Variants in GABRA3 observed in about 807,000 individuals in gnomAD.
GABRA3 encodes gamma-aminobutyric acid type A receptor subunit alpha3.
GABRA3 carries 10 observed loss-of-function variants against 30.1 expected under a neutral mutation model. The ratio of observed to expected loss-of-function variants is 0.33; its 90% confidence interval spans 0.20 to 0.56. GABRA3 has a LOEUF of 0.56. GABRA3 is among the 20% of genes least tolerant of loss of function. The pLI is 0.89. For missense variants in GABRA3, 233 were observed against 392.0 expected (o/e 0.59, Z 3.42); for synonymous variants, 151 against 146.8 (o/e 1.03, Z -0.21).
chrX:152,423,698 G>A (rs1930436083), intron 1 of GABRA3, among the ~76,000 whole-genome samples: 1 of 111,319 alleles, frequency 9.0e-6, no homozygotes, highest in African/African-American at 3.3e-5. Context: ...CAACAGACTA[G>A]GGTTTAGAAG....
At chrX:152,359,865 A>G (rs767174305) in intron 2 of GABRA3, among the ~76,000 whole-genome samples, 1 of 112,133 alleles carries the variant, frequency 8.9e-6, no homozygotes, top group Admixed American at 9.5e-5. Flanking sequence ...TTTTAGTAGT[A>G]TCATGCCTCA....
intron 1 of GABRA3, among the ~76,000 whole-genome samples, chrX:152,422,394 G>T (rs190800742): frequency 9.0e-6 from 1 of 110,694 alleles, no homozygotes; most frequent in African/African-American, 3.3e-5. Context: ...TTATCTTTGT[G>T]GGGGGAGTAT....
chrX:152,269,392 G>C lies in GABRA3; in HGVS notation c.331-13394C>G, dbSNP rs373422556. ...CTCATTGATTGACAGAATTGATATT[G>C]TTAAAATGACAATATTACACAAAGC... On this transcript the variant is annotated intron_variant, in intron 4 of 9. Coordinates refer to ENST00000370314, the MANE Select transcript of GABRA3 (RefSeq NM_000808.4). Among the ~76,000 whole-genome samples the C allele has an allele frequency of 6.2e-5, 7 of 112,160 alleles. No homozygotes were observed. The South Asian group carries it at 1.5e-3, about 24-fold the overall frequency.
At chrX:152,390,777 A>T (rs752862500) in intron 1 of GABRA3, among the ~76,000 whole-genome samples, 8 of 111,955 alleles carry the variant, frequency 7.1e-5, no homozygotes, top group African/African-American at 1.9e-4. Flanking sequence ...TGAGGATATT[A>T]TTAAAAATTA....
At chrX:152,174,076 T>G (rs866449926) in intron 9 of GABRA3, among the ~76,000 whole-genome samples, 31 of 110,788 alleles carry the variant, frequency 2.8e-4, no homozygotes, top group African/African-American at 9.9e-4. Flanking sequence ...TTGCTGAGAA[T>G]GATGGTTTCC....
intron 3 of GABRA3, among the ~76,000 whole-genome samples, chrX:152,322,327 G>A (rs1319697815): frequency 2.7e-5 from 3 of 111,443 alleles, no homozygotes; most frequent in Non-Finnish European, 5.6e-5. Flanking sequence ...GCCAGGGGCT[G>A]AGAAGAGGAG....
Position 152,384,813 on chromosome X carries a change from A to G in GABRA3, c.-26-20217T>C, listed in dbSNP as rs1929251711. Among the ~76,000 whole-genome samples the G allele has an allele frequency of 2.7e-5, 3 of 112,193 alleles. No individual in the cohort carries two copies. In the South Asian group the frequency reaches 1.1e-3, roughly 41 times the overall value. On this transcript the variant is annotated intron_variant, in intron 1 of 9. Coordinates refer to ENST00000370314, the MANE Select transcript of GABRA3 (RefSeq NM_000808.4). ...AGATGCAAGAAAGTGAGTAAACAAC[A>G]AATACCGAATGGTAGACGTTTGTCA...
intron 5 of GABRA3, among the ~76,000 whole-genome samples, chrX:152,236,602 G>T (rs112589837): frequency 9.5e-6 from 1 of 105,347 alleles, no homozygotes; most frequent in African/African-American, 3.5e-5. Flanking sequence ...CTAGTTTACA[G>T]TCCCACCAAC....
intron 1 of GABRA3, among the ~76,000 whole-genome samples, chrX:152,439,892 A>C (rs769804132): frequency 8.9e-6 from 1 of 112,338 alleles, no homozygotes; most frequent in East Asian, 2.8e-4. Context: ...TGAGGACAGT[A>C]AACCTAAGAC....
At chrX:152,296,843 G>A (rs1328913655) in intron 3 of GABRA3, among the ~76,000 whole-genome samples, 1 of 109,727 alleles carries the variant, frequency 9.1e-6, no homozygotes, top group Non-Finnish European at 1.9e-5. Context: ...GGGATTACAG[G>A]CACCCACCAC....
chrX:152,244,626 C>A (rs189351707), intron 5 of GABRA3, among the ~76,000 whole-genome samples: 2 of 111,160 alleles, frequency 1.8e-5, no homozygotes, highest in East Asian at 5.7e-4. Flanking sequence ...TATAGCAGTT[C>A]AAATGCATTA....
intron 1 of GABRA3, among the ~76,000 whole-genome samples, chrX:152,390,869 G>A (rs1337197692): frequency 1.8e-5 from 2 of 110,858 alleles, no homozygotes; most frequent in African/African-American, 6.5e-5. Context: ...TTATTTTAGG[G>A]AAAAACAAAA....
chrX:152,196,398 C>CA (rs1295981206), intron 8 of GABRA3, among the ~76,000 whole-genome samples: 640 of 26,436 alleles, frequency 0.024, 4 homozygotes, highest in Middle Eastern at 0.056. Flanking sequence ...AACTCCGTCT[C>CA]AAAAAAAAAG....
At chrX:152,295,680 C>T (rs1004494403) in intron 3 of GABRA3, among the ~76,000 whole-genome samples, 4 of 112,400 alleles carry the variant, frequency 3.6e-5, no homozygotes, top group East Asian at 5.6e-4. Context: ...CGCCCTGTTT[C>T]GGGTCACCCT....
At position 152,241,568 on chromosome X, in the gene GABRA3, G is replaced by T. The variant is rs367652683; in HGVS notation, c.551+14210C>A. On this transcript the variant is annotated intron_variant, in intron 5 of 9. Transcript: ENST00000370314. The stretch of plus-strand genomic sequence containing the variant: ...CTTCCCGGCTGCTTTGTTTACCTAA[G>T]CAAGCCTGGGCAATGGCGGGCGCCC... Among the ~76,000 whole-genome samples the T allele has an allele frequency of 2.8e-3, 303 of 109,167 alleles. 3 individuals are homozygous for T. Among genetic ancestry groups the T allele is most frequent in the Non-Finnish European group, 4.7e-3 (245 of 51,814 alleles). The allele number at this position is 109,167 out of a possible 115,157, so 94.8% of individuals were successfully genotyped here. A position where few individuals can be genotyped will look rare whatever the true frequency, so the allele number is the denominator to read the frequency against.
chrX:152,243,688 T>C (rs774325123), intron 5 of GABRA3, among the ~76,000 whole-genome samples: 2 of 111,839 alleles, frequency 1.8e-5, no homozygotes, highest in African/African-American at 6.5e-5. Flanking sequence ...ACGACTGAGA[T>C]TCAGCATACT....
intron 1 of GABRA3, among the ~76,000 whole-genome samples, chrX:152,446,745 G>A (rs994854315): frequency 9.0e-6 from 1 of 111,216 alleles, no homozygotes; most frequent in African/African-American, 3.3e-5. Flanking sequence ...TGTGGCCTCA[G>A]GCAAATCAAG....
intron 9 of GABRA3, among the ~76,000 whole-genome samples, chrX:152,182,441 TACAC>T (rs1194992895): frequency 3.3e-5 from 3 of 89,839 alleles, no homozygotes; most frequent in Non-Finnish European, 6.4e-5. Context: ...ATAGTATGTA[TACAC>T]ACTATATATA....
intron 2 of GABRA3, among the ~76,000 whole-genome samples, chrX:152,361,317 C>A (rs1363333496): frequency 9.1e-6 from 1 of 109,450 alleles, no homozygotes; most frequent in Non-Finnish European, 1.9e-5. Flanking sequence ...ACTGGCTGGG[C>A]ACAGTGGCTC....
Sources: gnomAD v4.1 joint callset for allele counts (sites outside exome capture counted in the v4.1 genomes callset) on GRCh38, gnomAD v4.1.1 for gene constraint, MANE v1.5 for transcripts, NCBI Gene and HGNC (gene_info 2026-07-23, HGNC 2026-07-21) for gene names.